MYCBP2: variants seen among roughly 807,000 people sequenced by gnomAD.
The protein encoded by MYCBP2 is E3 ubiquitin-protein ligase MYCBP2.
MYCBP2 carries 120 observed loss-of-function variants against 525.3 expected under a neutral mutation model. That is an observed-to-expected ratio of 0.23 (90% CI 0.20 to 0.27). The LOEUF (loss-of-function observed/expected upper bound fraction) is 0.27, where lower values mean the gene tolerates loss of function less well. Ranked by LOEUF, MYCBP2 falls within the 10% of genes least tolerant of loss-of-function variation. MYCBP2 has a pLI of 1.00. For synonymous variants in MYCBP2, 1,894 were observed against 1,955.8 expected, an observed-to-expected ratio of 0.97 and a Z score of 0.83; for missense variants, 4,149 against 5,657.1, an observed-to-expected ratio of 0.73 and a Z score of 8.55.
At chr13:77,226,183 G>C (rs1465108118) in intron 18 of MYCBP2, among the ~76,000 whole-genome samples, 1 of 152,028 alleles carries the variant, frequency 6.6e-6, no homozygotes, top group Admixed American at 6.6e-5. Flanking sequence ...TTTTCTCCCT[G>C]TCCCCAATCA....
At chr13:77,057,121 A>C in intron 78 of MYCBP2, 28 bp from the exon 79 acceptor site, 1 of 1,468,510 alleles carries the variant, frequency 6.8e-7, no homozygotes, top group Non-Finnish European at 9.5e-7. Flanking sequence ...AAAGGACATA[A>C]GCAAATATAA....
intron 74 of MYCBP2, among the ~76,000 whole-genome samples, chr13:77,062,336 T>C (rs2039440222): frequency 6.6e-6 from 1 of 152,222 alleles, no homozygotes; most frequent in African/African-American, 2.4e-5. Context: ...TAAATTTTGA[T>C]ATGATGCAAA....
At chr13:77,268,481 T>A (rs1465495233) in intron 7 of MYCBP2, among the ~76,000 whole-genome samples, 8 of 152,216 alleles carry the variant, frequency 5.3e-5, no homozygotes, top group Non-Finnish European at 8.8e-5. Context: ...TAATTTGTTA[T>A]CTAAAATTTA....
chr13:77,097,505 C>T lies in MYCBP2; in HGVS notation c.9649G>A (p.Val3217Ile). Residue 3217 changes from valine to isoleucine, a missense_variant, in exon 56 of 83, where the codon GTT becomes ATT. Val to Ile is a conservative substitution (Grantham distance 29). This residue lies in a region of MYCBP2 where 653 missense variants were observed against 744.7 expected (regional missense o/e 0.88). Coordinates refer to ENST00000544440, the MANE Select transcript of MYCBP2 (RefSeq NM_015057.5). ...CCAAACAAATTACCCCTGGGCCTAA[C>T]TTCTGCCTTTTCTTTTTTCTTTTTT... ...KEKKKKEKAEVRPRGNLFGEM... is the reference protein window; with the variant it reads ...KEKKKKEKAEIRPRGNLFGEM... 1 of 1,612,858 alleles carries T rather than the reference C, an allele frequency of 6.2e-7. No homozygotes were observed. The highest frequency in any genetic ancestry group is 8.5e-7 in the Non-Finnish European group (1 of 1,179,494).
At chr13:77,104,523 A>G (rs1169646233) in intron 55 of MYCBP2, among the ~76,000 whole-genome samples, 1 of 152,084 alleles carries the variant, frequency 6.6e-6, no homozygotes, top group Non-Finnish European at 1.5e-5. Context: ...TGACTGCAGA[A>G]TACCACTTTG....
At chr13:77,248,907 A>G (rs1456866659) in intron 15 of MYCBP2, among the ~76,000 whole-genome samples, 1 of 152,242 alleles carries the variant, frequency 6.6e-6, no homozygotes, top group Non-Finnish European at 1.5e-5. Context: ...GTGGTAATAT[A>G]CATACAATAG....
intron 9 of MYCBP2, 38 bp downstream of exon 9, chr13:77,263,891 T>C (rs769731119): frequency 1.2e-6 from 2 of 1,606,396 alleles, no homozygotes; most frequent in Non-Finnish European, 1.7e-6. Flanking sequence ...GAAAAGGAAT[T>C]CCATTTACAC....
chr13:77,051,361 A>G (rs2036775086), intron 81 of MYCBP2, among the ~76,000 whole-genome samples, 199 bp from the exon 82 acceptor site: 1 of 152,256 alleles, frequency 6.6e-6, no homozygotes. Flanking sequence ...GGTCTGGACA[A>G]AGATCCAAGT....
rs566068330 is a variant in MYCBP2 at position 77,284,334 on chromosome 13, G to A, written c.594+3827C>T. ...AGCAACAGAGGAACAAAGAAAAGGA[G>A]CAAACTAGGATAATAGCAGCATTTG... is the stretch of plus-strand genomic sequence containing the variant. On this transcript the variant is annotated intron_variant, in intron 3 of 82. Coordinates refer to ENST00000544440, the MANE Select transcript of MYCBP2 (RefSeq NM_015057.5). Among the ~76,000 whole-genome samples, 235 of 152,182 alleles carry A rather than the reference G, an allele frequency of 1.5e-3. 1 individual carries two copies. Among genetic ancestry groups the A allele is most frequent in the South Asian group, 2.9e-3 (14 of 4,814 alleles).
intron 47 of MYCBP2, among the ~76,000 whole-genome samples, chr13:77,150,372 C>T (rs1245356801): frequency 6.6e-6 from 1 of 152,086 alleles, no homozygotes; most frequent in East Asian, 1.9e-4. Flanking sequence ...GAACTCTTGG[C>T]CTCAAGTGAT....
intron 26 of MYCBP2, 24 bp from the exon 27 acceptor site, chr13:77,194,268 A>T: frequency 6.5e-7 from 1 of 1,529,990 alleles, no homozygotes; most frequent in Non-Finnish European, 9.1e-7. Context: ...AAAGACAATC[A>T]TTTATATAAA....
chr13:77,235,718 G>T (rs527322526), intron 17 of MYCBP2, among the ~76,000 whole-genome samples: 17 of 152,080 alleles, frequency 1.1e-4, no homozygotes, highest in African/African-American at 3.9e-4. Flanking sequence ...AGGGGAGGGA[G>T]GGTTTACACA....
chr13:77,149,766 TTTC>T (rs1017611732), intron 47 of MYCBP2, among the ~76,000 whole-genome samples: 2 of 152,210 alleles, frequency 1.3e-5, no homozygotes, highest in African/African-American at 4.8e-5. Context: ...ATTTCCTACC[TTTC>T]TTCTTTACTC....
At chr13:77,138,169 C>T (rs1220042855) in intron 52 of MYCBP2, among the ~76,000 whole-genome samples, 2 of 152,210 alleles carry the variant, frequency 1.3e-5, no homozygotes, top group Non-Finnish European at 2.9e-5. Context: ...TCTAAATCTT[C>T]TTGATCACAT....
At chr13:77,055,877 A>G (rs2037854465) in intron 79 of MYCBP2, 110 bp from the exon 80 acceptor site, 1 of 683,888 alleles carries the variant, frequency 1.5e-6, no homozygotes, top group African/African-American at 1.8e-5. Context: ...ACCAGACAGC[A>G]CACATATTCT....
chr13:77,101,755 T>C (rs2047098163), intron 55 of MYCBP2, among the ~76,000 whole-genome samples: 1 of 152,004 alleles, frequency 6.6e-6, no homozygotes, highest in Admixed American at 6.6e-5. Context: ...ACGTATTTTA[T>C]ATATTAAAAA....
In MYCBP2 at chr13:77,144,487, C is replaced by T; in HGVS notation, c.7261G>A (p.Gly2421Arg). ...ATGGTAACATGAAGAGTGTAGAGTC[C>T]AATAGCCCCTGGAGTCCAATTTGCA... Reference protein sequence around the residue: ...YCANWTPGAIGLYTLHVTIDG... With the variant: ...YCANWTPGAIRLYTLHVTIDG... Residue 2421 changes from glycine to arginine, a missense_variant, in exon 49 of 83, where the codon GGA becomes AGA. By Grantham distance (125) the Gly-to-Arg change is moderately radical. Around this residue, in one of 21 missense-constraint regions of MYCBP2, gnomAD observed 692 missense variants for 852.7 expected, o/e 0.81. Transcript: ENST00000544440. 6.2e-7 allele frequency: 1 copy of T among 1,613,692 alleles called. No individual in the cohort carries two copies. The highest frequency in any genetic ancestry group is 1.1e-5 in the South Asian group (1 of 91,060).
intron 40 of MYCBP2, among the ~76,000 whole-genome samples, chr13:77,166,972 CACAT>C (rs1252072739): frequency 2.7e-3 from 142 of 52,404 alleles, no homozygotes; most frequent in Non-Finnish European, 4.3e-3. Flanking sequence ...ACAAAACACA[CACAT>C]ACACACACAC....
At chr13:77,067,479 G>T in intron 71 of MYCBP2, 102 bp downstream of exon 71, 1 of 1,195,772 alleles carries the variant, frequency 8.4e-7, no homozygotes, top group Non-Finnish European at 1.2e-6. Flanking sequence ...GATTTTATTT[G>T]GTGAGTAACC....
Sources: gnomAD v4.1 joint callset for allele counts (sites outside exome capture counted in the v4.1 genomes callset) on GRCh38, gnomAD v4.1.1 for gene constraint, gnomAD v4.1.1 regional missense constraint, MANE v1.5 for transcripts, NCBI Gene and HGNC (gene_info 2026-07-23, HGNC 2026-07-21) for gene names.